The following EIF3A variants were observed in gnomAD, a reference collection of about 807,000 sequenced individuals.
The protein encoded by EIF3A is eukaryotic translation initiation factor 3 subunit A.
A neutral mutation model predicts 186.6 loss-of-function variants in EIF3A; 21 were observed. The ratio of observed to expected loss-of-function variants is 0.11; its 90% CI spans 0.08 to 0.16. The LOEUF (loss-of-function observed/expected upper bound fraction) is 0.16. EIF3A is among the 10% of genes least tolerant of loss of function. EIF3A has a pLI of 1.00. For missense variants in EIF3A, 1,306 were observed against 1,796.3 expected, an observed-to-expected ratio of 0.73 and a Z score of 4.93; for synonymous variants, 563 against 584.3, an observed-to-expected ratio of 0.96 and a Z score of 0.52.
intron 6 of EIF3A, among the ~76,000 whole-genome samples, chr10:119,067,827 T>C (rs80234225): frequency 0.073 from 11,095 of 152,194 alleles, 817 homozygotes; most frequent in African/African-American, 0.19. Context: ...TTTTTTTTTT[T>C]TGAGATGGAG....
chr10:119,065,675 G>A (rs1047525292), intron 6 of EIF3A, 105 bp from the exon 7 acceptor site: 8 of 760,952 alleles, frequency 1.1e-5, no homozygotes, highest in African/African-American at 1.0e-4. Context: ...GTGACAGAAC[G>A]TGTACATCAC....
chr10:119,059,819 G>T, intron 9 of EIF3A, 101 bp from the exon 10 acceptor site: 47 of 767,706 alleles, frequency 6.1e-5, no homozygotes, highest in Non-Finnish European at 6.0e-5. Flanking sequence ...TTATGCCAGA[G>T]AATTTATGTT....
At position 119,059,324 on chromosome 10, in the gene EIF3A, G is replaced by A. The variant is rs535803217; in HGVS notation, c.1517C>T (p.Pro506Leu). ...DLNYATREDA[P>L]IGPHLQSMPS... ...CATGCTTTGCAAATGAGGACCAATCGGAGCATCTTCTCGAGTAGCATAATT... is the reference window on the plus strand; with the variant it reads ...CATGCTTTGCAAATGAGGACCAATCAGAGCATCTTCTCGAGTAGCATAATT... Residue 506 changes from proline to leucine, a missense_variant, in exon 11 of 22, where the codon CCG (proline) becomes CTG (leucine). Coordinates refer to ENST00000369144, the MANE Select transcript of EIF3A (RefSeq NM_003750.4). 24 of 1,613,170 alleles carry A rather than the reference G, an allele frequency of 1.5e-5. No individual in the cohort carries two copies. The highest frequency in any genetic ancestry group is 1.1e-4 in the East Asian group (5 of 44,886).
rs1184988254 is a variant in EIF3A, at chr10:119,045,938, TACAA to T, written c.2659-1800_2659-1797del. On this transcript the variant is annotated intron_variant, in intron 17 of 21. Transcript: ENST00000369144. ...TGAACCACGATCTCAGAGAACCTGG[TACAA>T]ACAAACAAAGAGATGAAGAGAGTAA... 3.9e-5 allele frequency among the ~76,000 whole-genome samples: 6 copies of T among 152,174 alleles called. No homozygotes were observed. In the East Asian group the frequency reaches 7.7e-4, roughly 20 times the overall value.
chr10:119,073,506 A>G lies in EIF3A; in HGVS notation c.312T>C (p.Ala104=). The change falls in exon 3 of 22, where the codon GCT becomes GCC. Residue 104 remains alanine, a synonymous_variant. Transcript: ENST00000369144. The part of the protein sequence containing the change: ...LKMAEEKTEA[A]KEESQQMVLD... ...AGACCATCTGCTGAGATTCTTCTTT[A>G]GCAGCTTCAGTTTTTTCCTCTGCCA... 6.2e-7 allele frequency: 1 copy of G among 1,608,238 alleles called. No homozygotes were observed. The highest frequency in any genetic ancestry group is 8.5e-7 in the Non-Finnish European group (1 of 1,174,886).
intron 9 of EIF3A, chr10:119,060,088 TAAGA>T (rs1409337138): frequency 3.9e-6 from 2 of 515,112 alleles, no homozygotes; most frequent in Admixed American, 4.1e-5. Context: ...GTATAGCACA[TAAGA>T]AATAACACTA....
rs1258646239 is a variant in EIF3A, at chr10:119,036,149, T to G, written c.4039A>C (p.Arg1347=). Residue 1347 remains arginine, a synonymous_variant, in exon 22 of 22, where the codon AGA becomes CGA. Coordinates refer to ENST00000369144, the MANE Select transcript of EIF3A (RefSeq NM_003750.4). ...GAGGCCTTCTCTTTTTCACCTTCTCTTTCTCGGTCTCGGTCTCTTTCTCGG... is the reference window on the plus strand; with the variant it reads ...GAGGCCTTCTCTTTTTCACCTTCTCGTTCTCGGTCTCGGTCTCTTTCTCGG... ...RDRERDRDRE[R]EGEKEKASWR... 1 of 1,613,978 alleles carries G rather than the reference T, an allele frequency of 6.2e-7. No individual in the cohort carries two copies. Among genetic ancestry groups the G allele is most frequent in the South Asian group, 1.1e-5 (1 of 91,070 alleles).
Position 119,058,061 on chromosome 10 carries a change from G to A in EIF3A, c.1872C>T (p.Ile624=). The A allele has an allele frequency of 6.2e-7, 1 of 1,614,206 alleles. No homozygotes were observed. Among genetic ancestry groups the A allele is most frequent in the Non-Finnish European group, 8.5e-7 (1 of 1,180,046 alleles). Residue 624 remains isoleucine, a synonymous_variant, in exon 12 of 22, where the codon ATC becomes ATT. Transcript: ENST00000369144. ...TTTTGATTTGTTCATGTTCCTGTAA[G>A]ATACGCTCCTTCTCTCTCTCCTTTG... is the stretch of plus-strand genomic sequence containing the variant. ...QEAKEREKER[I]LQEHEQIKKK...
At chr10:119,038,740 A>G (rs1421573728) in intron 19 of EIF3A, among the ~76,000 whole-genome samples, 1 of 152,140 alleles carries the variant, frequency 6.6e-6, no homozygotes, top group African/African-American at 2.4e-5. Flanking sequence ...CCTGGCCAAC[A>G]TGGTAATAAC....
In EIF3A at chr10:119,050,573, A is replaced by G. The variant is rs143332506; in HGVS notation, c.2421T>C (p.Tyr807=). The G allele has an allele frequency of 8.5e-5, 137 of 1,613,748 alleles. No individual in the cohort carries two copies. The Middle Eastern group carries it at 2.0e-3, about 23-fold the overall frequency. ...QRKEERRITY[Y]REKEEEEQRR... is the part of the protein sequence containing the mutation. ...TCTGCTCCTCCTCTTCTTTTTCTCT[A>G]TAGTATGTTATCCTGCGTTCTTCTT... Residue 807 remains tyrosine (Y), a synonymous_variant, in exon 16 of 22, where the codon TAT becomes TAC. Coordinates refer to ENST00000369144, the MANE Select transcript of EIF3A (RefSeq NM_003750.4).
chr10:119,066,463 T>G (rs1206884874), intron 6 of EIF3A, among the ~76,000 whole-genome samples: 1 of 114,208 alleles, frequency 8.8e-6, no homozygotes, highest in Non-Finnish European at 1.6e-5. Flanking sequence ...GAGCCAAGAT[T>G]ATGCCACTGG....
chr10:119,058,572 T>C (rs887507664), intron 11 of EIF3A, among the ~76,000 whole-genome samples: 2 of 152,220 alleles, frequency 1.3e-5, no homozygotes, highest in African/African-American at 4.8e-5. Context: ...AGGTGTTCAT[T>C]AACAGAGCTC....
At chr10:119,070,816 T>C (rs1442165220) in intron 5 of EIF3A, 70 bp downstream of exon 5, 1 of 1,085,038 alleles carries the variant, frequency 9.2e-7, no homozygotes, top group Non-Finnish European at 1.4e-6. Flanking sequence ...GATGAAGCTA[T>C]TCATTAAGGG....
chr10:119,065,650 C>T lies in EIF3A; in HGVS notation c.951-80G>A, dbSNP rs182586318. 5.2e-5 allele frequency: 53 copies of T among 1,011,112 alleles called. No individual in the cohort carries two copies. In the African/African-American group the frequency reaches 5.8e-4, roughly 11 times the overall value. The allele number at this position is 1,011,112 out of a possible 1,614,324, so 62.6% of individuals were successfully genotyped here. ...AGAAAAGCACTTCTCTTTAATCTTA[C>T]GGTAAGGCGTGCTAGTGACAGAACG... is the stretch of plus-strand genomic sequence containing the variant. On this transcript the variant is annotated intron_variant, in intron 6 of 21. Coordinates refer to ENST00000369144, the MANE Select transcript of EIF3A (RefSeq NM_003750.4).
intron 8 of EIF3A, 29 bp from the exon 9 acceptor site, chr10:119,060,873 TCA>T: frequency 6.9e-7 from 1 of 1,449,944 alleles, no homozygotes; most frequent in Non-Finnish European, 9.5e-7. Context: ...TGAAAGAGAA[TCA>T]CACTTTCTAC....
intron 9 of EIF3A, chr10:119,060,183 G>A: frequency 6.1e-6 from 3 of 494,030 alleles, no homozygotes; most frequent in South Asian, 3.0e-5. Flanking sequence ...CTTCCCAAAT[G>A]CAACAAATGG....
intron 5 of EIF3A, 33 bp from the exon 6 acceptor site, chr10:119,069,687 A>T: frequency 9.5e-7 from 1 of 1,051,066 alleles, no homozygotes; most frequent in Non-Finnish European, 1.5e-6. Flanking sequence ...AAGTCATTGC[A>T]TTCTATAACA....
At position 119,041,989 on chromosome 10, in the gene EIF3A, T is replaced by G. The variant is rs369195603; in HGVS notation, c.3526+5A>C. On this transcript the variant is annotated splice_donor_5th_base_variant and intron_variant, in intron 19 of 21. Transcript: ENST00000369144. ...TTAAGCATATTCTAGGAAATAGAAT[T>G]TTACCTGGCTTGACTAATGGTCTCC... The G allele has an allele frequency of 1.1e-5, 18 of 1,612,830 alleles. No homozygotes were observed. Among genetic ancestry groups the G allele is most frequent in the Non-Finnish European group, 1.5e-5 (18 of 1,179,166 alleles).
chr10:119,074,984 C>CCT (rs1844141121), intron 1 of EIF3A, among the ~76,000 whole-genome samples: 1 of 105,218 alleles, frequency 9.5e-6, no homozygotes, highest in East Asian at 2.9e-4. Flanking sequence ...TATTTTTTTT[C>CCT]TTTTTTTTTT....
Sources: allele counts gnomAD v4.1 joint callset (sites outside exome capture counted in the v4.1 genomes callset), GRCh38; gene constraint gnomAD v4.1.1; transcripts MANE v1.5; gene names NCBI Gene and HGNC (gene_info 2026-07-23, HGNC 2026-07-21).